The following CACNA2D3 variants were observed in gnomAD, a reference collection of about 807,000 sequenced individuals.
CACNA2D3 encodes calcium voltage-gated channel auxiliary subunit alpha2delta 3.
In CACNA2D3, 60 loss-of-function variants were observed where a neutral mutation model predicts 160.6. That is an observed-to-expected ratio of 0.37 (90% CI 0.30 to 0.46). The LOEUF (loss-of-function observed/expected upper bound fraction) is 0.46, where lower values mean the gene tolerates loss of function less well. Ranked by LOEUF, CACNA2D3 falls within the 20% of genes least tolerant of loss-of-function variation. The probability of loss-of-function intolerance (pLI) is 1.00; values close to 1 mark genes in which losing one functional copy is unlikely to be tolerated. For missense variants in CACNA2D3, 1,205 were observed against 1,365.0 expected, an observed-to-expected ratio of 0.88 and a Z score of 1.85; for synonymous variants, 558 against 492.9, an observed-to-expected ratio of 1.13 and a Z score of -1.75.
intron 2 of CACNA2D3, among the ~76,000 whole-genome samples, chr3:54,247,759 G>A (rs1483142695): frequency 6.6e-6 from 1 of 152,098 alleles, no homozygotes; most frequent in Non-Finnish European, 1.5e-5. Flanking sequence ...AAATTGCCTG[G>A]AATGAAAAGG....
chr3:54,510,803 GCATCCAGCAGAA>G (rs1214836869), intron 5 of CACNA2D3, among the ~76,000 whole-genome samples: 1 of 152,164 alleles, frequency 6.6e-6, no homozygotes, highest in Non-Finnish European at 1.5e-5. Context: ...TGAAGGTGCA[GCATCCAGCAGAA>G]CACCTGGCAC....
chr3:54,716,982 C>T (rs557953422), intron 11 of CACNA2D3, among the ~76,000 whole-genome samples: 10 of 151,688 alleles, frequency 6.6e-5, no homozygotes, highest in Middle Eastern at 3.4e-3. Flanking sequence ...CCAGGACCTT[C>T]AAGCCTCCTT....
At chr3:54,476,286 A>G (rs1317110035) in intron 4 of CACNA2D3, among the ~76,000 whole-genome samples, 2 of 150,174 alleles carry the variant, frequency 1.3e-5, no homozygotes, top group African/African-American at 4.9e-5. Context: ...CATATATCAC[A>G]TTTTTTTTAT....
intron 11 of CACNA2D3, among the ~76,000 whole-genome samples, chr3:54,656,422 C>G (rs1445387744): frequency 6.6e-6 from 1 of 152,212 alleles, no homozygotes; most frequent in Non-Finnish European, 1.5e-5. Flanking sequence ...GGCTGCTGGT[C>G]TCTGGCAGTC....
rs186189376 is a variant in CACNA2D3, at chr3:54,554,928, C to T, written c.545-7872C>T. Among the ~76,000 whole-genome samples, 7 of 131,376 alleles carry T rather than the reference C, an allele frequency of 5.3e-5. No homozygotes were observed. In the East Asian group the frequency reaches 1.4e-3, roughly 26 times the overall value. 86.2% of individuals were successfully genotyped at this position (131,376 alleles called of 152,430 possible). ...CTCACTCTGTCACCCAGTCTGGAGT[C>T]CAGTAGTGCAATCTTGGCTCATCGC... On this transcript the variant is annotated intron_variant, in intron 5 of 37. Transcript: ENST00000474759.
rs751846677 is a variant in CACNA2D3 at position 54,386,732 on chromosome 3, A to G, written c.339A>G (p.Ala113=). ...SEAVRRLVEA[A]EEAHLKHEFD... is the part of the protein sequence containing the mutation. The stretch of plus-strand genomic sequence containing the variant: ...TTTTTTAGCGTCTGGTGGAGGCTGC[A>G]GAAGAAGCACACCTGAAACATGAAT... Residue 113 remains alanine (A), a synonymous_variant, in exon 4 of 38, where the codon GCA becomes GCG. Coordinates refer to ENST00000474759, the MANE Select transcript of CACNA2D3 (RefSeq NM_018398.3). The G allele has an allele frequency of 1.2e-5, 19 of 1,562,522 alleles. No individual in the cohort carries two copies. The highest frequency in any genetic ancestry group is 1.1e-4 in the Admixed American group (6 of 54,794).
intron 14 of CACNA2D3, among the ~76,000 whole-genome samples, chr3:54,829,492 C>T (rs372243639): frequency 2.6e-5 from 4 of 152,080 alleles, no homozygotes; most frequent in South Asian, 2.1e-4. Context: ...TCTAAATTGC[C>T]ACATAGTCTG....
intron 11 of CACNA2D3, among the ~76,000 whole-genome samples, chr3:54,661,943 T>C (rs1477152336): frequency 6.6e-6 from 1 of 151,876 alleles, no homozygotes; most frequent in Non-Finnish European, 1.5e-5. Flanking sequence ...GATCACCACT[T>C]CTTTTCCTGC....
intron 12 of CACNA2D3, among the ~76,000 whole-genome samples, chr3:54,758,909 C>T (rs930210487): frequency 6.6e-6 from 1 of 152,148 alleles, no homozygotes; most frequent in Non-Finnish European, 1.5e-5. Flanking sequence ...CTAGGATCTG[C>T]CCACTGAGGA....
intron 2 of CACNA2D3, among the ~76,000 whole-genome samples, chr3:54,197,754 C>A (rs900940400): frequency 3.9e-5 from 6 of 152,192 alleles, no homozygotes; most frequent in African/African-American, 1.4e-4. Flanking sequence ...TGAGCTGTTA[C>A]AGTCTGTGAG....
chr3:54,478,205 A>G (rs149216477), intron 4 of CACNA2D3, among the ~76,000 whole-genome samples: 1 of 152,334 alleles, frequency 6.6e-6, no homozygotes, highest in East Asian at 1.9e-4. Context: ...AAATAACAGC[A>G]TAATAAAAAA....
chr3:54,761,604 T>C (rs1043278569), intron 12 of CACNA2D3, among the ~76,000 whole-genome samples: 4 of 152,190 alleles, frequency 2.6e-5, no homozygotes. Context: ...TGGGTCTCCC[T>C]AACTATGGTG....
chr3:54,216,500 T>G (rs1461384728), intron 2 of CACNA2D3, among the ~76,000 whole-genome samples: 1 of 152,188 alleles, frequency 6.6e-6, no homozygotes, highest in Non-Finnish European at 1.5e-5. Flanking sequence ...CCAGGTGTGT[T>G]AGGGATGGGC....
chr3:54,790,239 G>A (rs554829855), intron 13 of CACNA2D3, among the ~76,000 whole-genome samples: 1 of 152,268 alleles, frequency 6.6e-6, no homozygotes, highest in East Asian at 1.9e-4. Context: ...GATAGATACT[G>A]CCTGGCTTGC....
intron 27 of CACNA2D3, among the ~76,000 whole-genome samples, chr3:54,905,981 C>G (rs1700441023): frequency 6.6e-6 from 1 of 152,076 alleles, no homozygotes. Flanking sequence ...TGAACAAGTA[C>G]CCCAGAAGGC....
chr3:54,707,429 C>T lies in CACNA2D3; in HGVS notation c.1168-45170C>T, dbSNP rs150110971. 5.7e-3 allele frequency among the ~76,000 whole-genome samples: 863 copies of T among 152,250 alleles called. 15 individuals carry two copies. The highest frequency in any genetic ancestry group is 0.019 in the African/African-American group (809 of 41,546). The stretch of plus-strand genomic sequence containing the variant: ...ACCCTGGCTCATCCTGCCATCAATC[C>T]GATGCCTCAGTGCAAAAGACATTCA... On this transcript the variant is annotated intron_variant, in intron 11 of 37. Coordinates refer to ENST00000474759, the MANE Select transcript of CACNA2D3 (RefSeq NM_018398.3).
intron 11 of CACNA2D3, among the ~76,000 whole-genome samples, chr3:54,732,828 G>A (rs539049387): frequency 3.9e-5 from 6 of 152,178 alleles, no homozygotes; most frequent in Non-Finnish European, 7.3e-5. Context: ...GTGGACCCTC[G>A]AAAAAGTCAA....
At chr3:54,681,406 A>AAAAAAAAAC (rs1700348146) in intron 11 of CACNA2D3, among the ~76,000 whole-genome samples, 1 of 144,816 alleles carries the variant, frequency 6.9e-6, no homozygotes, top group Non-Finnish European at 1.5e-5. Context: ...AAAAAAAAAA[A>AAAAAAAAAC]AAGGCCAGGC....
chr3:54,376,482 G>T (rs1357749844), intron 3 of CACNA2D3, among the ~76,000 whole-genome samples: 5 of 152,180 alleles, frequency 3.3e-5, no homozygotes, highest in Admixed American at 3.3e-4. Flanking sequence ...AGGATTTGCT[G>T]GATTCAATGA....
Sources: gnomAD v4.1 joint callset for allele counts (sites outside exome capture counted in the v4.1 genomes callset) on GRCh38, gnomAD v4.1.1 for gene constraint, MANE v1.5 for transcripts, NCBI Gene and HGNC (gene_info 2026-07-23, HGNC 2026-07-21) for gene names.